The following FGFBP2 variants were observed in gnomAD, a reference collection of about 807,000 sequenced individuals.
FGFBP2 encodes fibroblast growth factor-binding protein 2.
In FGFBP2, 7 loss-of-function variants were observed where a neutral mutation model predicts 7.3. The ratio of observed to expected loss-of-function variants is 0.96; its 90% CI spans 0.55 to 1.81. The LOEUF is 1.81. FGFBP2 is among the 40% of genes most tolerant of loss of function. The probability of loss-of-function intolerance (pLI) is 0.00; values close to 1 mark genes in which losing one functional copy is unlikely to be tolerated. For missense variants in FGFBP2, 291 were observed against 280.1 expected (o/e 1.04, Z -0.28); for synonymous variants, 131 against 110.2 (o/e 1.19, Z -1.18).
chr4:15,962,390 AAGTATATACACGTAGTCTCTGTATATG>A (rs1319554157), intron 1 of FGFBP2, 21 bp downstream of exon 1: 15 of 1,442,274 alleles, frequency 1.0e-5, no homozygotes, highest in East Asian at 2.4e-5. Context: ...CTCTGTATAT[AAGTATATACACGTAGTCTCTGTATATG>A]AGTAAAGGAA....
Position 15,962,604 on chromosome 4 carries a change from T to C in FGFBP2, c.526A>G (p.Lys176Glu). 1 of 1,614,074 alleles carries C rather than the reference T, an allele frequency of 6.2e-7. No individual in the cohort carries two copies. Among genetic ancestry groups the C allele is most frequent in the Non-Finnish European group, 8.5e-7 (1 of 1,180,008 alleles). ...KDSMEELGKA[K>E]PTTRPTAKPT... ...TTGGCTGTGGGTCGGGTGGTGGGTTTGGCTTTTCCCAGCTCTTCCATCGAG... is the reference window on the plus strand; with the variant it reads ...TTGGCTGTGGGTCGGGTGGTGGGTTCGGCTTTTCCCAGCTCTTCCATCGAG... The change falls in exon 1 of 2, where the codon AAA (lysine) becomes GAA (glutamate). Residue 176 changes from lysine to glutamate, a missense_variant. Coordinates refer to ENST00000259989, the MANE Select transcript of FGFBP2 (RefSeq NM_031950.4).
rs759492927 is a variant in FGFBP2 at position 15,962,488 on chromosome 4, G to A, written c.642C>T (p.Cys214=). The change falls in exon 1 of 2, where the codon TGC becomes TGT. Residue 214 remains cysteine (C), a synonymous_variant. Transcript: ENST00000259989. The part of the protein sequence containing the change: ...EHCWKPFQAL[C]AFLISFFRG The stretch of plus-strand genomic sequence containing the variant: ...CTCGGAAGAAGCTGATGAGAAAGGC[G>A]CACAGGGCCTGGAAGGGTTTCCAAC... 49 of 1,580,292 alleles carry A rather than the reference G, an allele frequency of 3.1e-5. No homozygotes were observed. The highest frequency in any genetic ancestry group is 1.8e-4 in the East Asian group (8 of 44,500).
In FGFBP2 at chr4:15,963,064, C is replaced by A. The variant is rs372705827; in HGVS notation, c.66G>T (p.Pro22=). The change falls in exon 1 of 2, where the codon CCG becomes CCT. Residue 22 remains proline (P), a synonymous_variant. Transcript: ENST00000259989. ...LSCLGTLGQA[P]RQKQGSTGEE... ...CCCCAGTGCTTCCTTGCTTTTGCCTCGGGGCCTGACCCAAAGTCCCCAGGC... is the reference window on the plus strand; with the variant it reads ...CCCCAGTGCTTCCTTGCTTTTGCCTAGGGGCCTGACCCAAAGTCCCCAGGC... 1.9e-6 allele frequency: 3 copies of A among 1,613,462 alleles called. No individual in the cohort carries two copies. Among genetic ancestry groups the A allele is most frequent in the Non-Finnish European group, 2.5e-6 (3 of 1,179,686 alleles).
intron 1 of FGFBP2, among the ~76,000 whole-genome samples, chr4:15,961,943 C>G (rs760158643): frequency 1.3e-5 from 2 of 152,146 alleles, no homozygotes; most frequent in Non-Finnish European, 2.9e-5. Flanking sequence ...GAGAACAAGA[C>G]GGGGTGTGGC....
In FGFBP2 at chr4:15,960,309, T is replaced by A. The variant is rs1197390701; in HGVS notation, c.*323A>T. On this transcript the variant is annotated 3_prime_UTR_variant, in exon 2 of 2. Transcript: ENST00000259989. ...CTATTTACTGAACACTGGAAATTCA[T>A]GAATGCGTTACATATTTAAACTTTC... 1.3e-5 allele frequency: 2 copies of A among 152,248 alleles called. No individual in the cohort carries two copies. Among genetic ancestry groups the A allele is most frequent in the African/African-American group, 4.8e-5 (2 of 41,460 alleles). 9.4% of individuals were successfully genotyped at this position (152,248 alleles called of 1,614,324 possible).
In FGFBP2 at chr4:15,962,906, CT is replaced by C. The variant is rs1560350756; in HGVS notation, c.223del (p.Arg75GlyfsTer25). ...AGCCTGGCACATGCTGGGCTGCCCCCTGTACTCACACCAGTAGGTCTGGTCT... is the reference window on the plus strand; with the variant it reads ...AGCCTGGCACATGCTGGGCTGCCCCCGTACTCACACCAGTAGGTCTGGTCT... ...NTDQTYWCEYRGQPSMCQAFA... is the reference protein window; with the variant it reads ...NTDQTYWCEYXGQPSMCQAFA... On this transcript the variant is annotated frameshift_variant, in exon 1 of 2. Transcript: ENST00000259989. LOFTEE classifies it high-confidence loss of function. 3.2e-6 allele frequency: 5 copies of C among 1,581,194 alleles called. No homozygotes were observed. Among genetic ancestry groups the C allele is most frequent in the Non-Finnish European group, 4.3e-6 (5 of 1,163,488 alleles).
At chr4:15,962,022 C>T (rs1713097021) in intron 1 of FGFBP2, among the ~76,000 whole-genome samples, 1 of 152,140 alleles carries the variant, frequency 6.6e-6, no homozygotes, top group South Asian at 2.1e-4. Context: ...CATTAGGAAA[C>T]GTTACCCGGC....
intron 1 of FGFBP2, among the ~76,000 whole-genome samples, chr4:15,961,764 C>T (rs1463819736): frequency 6.6e-6 from 1 of 152,176 alleles, no homozygotes; most frequent in Non-Finnish European, 1.5e-5. Flanking sequence ...AAAAGCAATA[C>T]TTGGAGTTGA....
At position 15,963,069 on chromosome 4, in the gene FGFBP2, C is replaced by A; in HGVS notation, c.61G>T (p.Ala21Ser). The A allele has an allele frequency of 6.2e-7, 1 of 1,613,398 alleles. No homozygotes were observed. The highest frequency in any genetic ancestry group is 1.1e-5 in the South Asian group (1 of 90,972). ...TLSCLGTLGQ[A>S]PRQKQGSTGE... ...GTGCTTCCTTGCTTTTGCCTCGGGGCCTGACCCAAAGTCCCCAGGCAGGAC... is the reference window on the plus strand; with the variant it reads ...GTGCTTCCTTGCTTTTGCCTCGGGGACTGACCCAAAGTCCCCAGGCAGGAC... Residue 21 changes from alanine to serine, a missense_variant, in exon 1 of 2, where the codon GCC (alanine) becomes TCC (serine). Ala to Ser is a moderately conservative substitution (Grantham distance 99). Coordinates refer to ENST00000259989, the MANE Select transcript of FGFBP2 (RefSeq NM_031950.4).
At chr4:15,960,995 T>G (rs2148949932) in intron 1 of FGFBP2, among the ~76,000 whole-genome samples, 2 of 152,326 alleles carry the variant, frequency 1.3e-5, no homozygotes, top group South Asian at 4.1e-4. Flanking sequence ...GAAAATATAT[T>G]TCTGCTGTTT....
chr4:15,962,767 T>C lies in FGFBP2; in HGVS notation c.363A>G (p.Gly121=). 1 of 1,603,518 alleles carries C rather than the reference T, an allele frequency of 6.2e-7. No individual in the cohort carries two copies. Among genetic ancestry groups the C allele is most frequent in the Non-Finnish European group, 8.5e-7 (1 of 1,174,210 alleles). Residue 121 remains glycine (G), a synonymous_variant, in exon 1 of 2, where the codon GGA becomes GGG. Coordinates refer to ENST00000259989, the MANE Select transcript of FGFBP2 (RefSeq NM_031950.4). ...VLRPSVCREA[G]PQAHMQQVTS... is the part of the protein sequence containing the mutation. ...TCACCTGCTGCATATGGGCCTGGGG[T>C]CCAGCCTCCCTGCACACGGATGGCC...
In FGFBP2 at chr4:15,962,972, C is replaced by T; in HGVS notation, c.158G>A (p.Gly53Asp). The change falls in exon 1 of 2, where the codon GGT becomes GAT. Residue 53 changes from glycine to aspartate, a missense_variant. Transcript: ENST00000259989. ...GACACGAAGCCAGACTTCTCCAGCA[C>T]CTTGCCCCAAGCTGCTGGGACGCAT... The part of the protein sequence containing the change: ...CTMRPSSLGQ[G>D]AGEVWLRVDC... The T allele has an allele frequency of 6.2e-7, 1 of 1,613,446 alleles. No homozygotes were observed. The highest frequency in any genetic ancestry group is 8.5e-7 in the Non-Finnish European group (1 of 1,179,912).
At position 15,962,479 on chromosome 4, in the gene FGFBP2, G is replaced by A. The variant is rs528669868; in HGVS notation, c.651C>T (p.Leu217=). The change falls in exon 1 of 2, where the codon CTC becomes CTT. Residue 217 remains leucine, a synonymous_variant. Transcript: ENST00000259989. ...WKPFQALCAF[L]ISFFRG The stretch of plus-strand genomic sequence containing the variant: ...CCTGTCACCCTCGGAAGAAGCTGAT[G>A]AGAAAGGCGCACAGGGCCTGGAAGG... 5.4e-5 allele frequency: 84 copies of A among 1,567,504 alleles called. No homozygotes were observed. The South Asian group carries it at 9.5e-4, about 18-fold the overall frequency.
Position 15,960,283 on chromosome 4 carries a change from G to A in FGFBP2, c.*349C>T, listed in dbSNP as rs1196302206. 2 of 152,178 alleles carry A rather than the reference G, an allele frequency of 1.3e-5. No homozygotes were observed. Among genetic ancestry groups the A allele is most frequent in the Non-Finnish European group, 2.9e-5 (2 of 68,030 alleles). The allele number at this position is 152,178 out of a possible 1,614,324, so 9.4% of individuals were successfully genotyped here. On this transcript the variant is annotated 3_prime_UTR_variant, in exon 2 of 2. Transcript: ENST00000259989. ...TCTTTTATTTTGCACACACATAGCT[G>A]CTATTTACTGAACACTGGAAATTCA...
At chr4:15,962,309 C>G in intron 1 of FGFBP2, 129 bp downstream of exon 1, 1 of 821,882 alleles carries the variant, frequency 1.2e-6, no homozygotes, top group Non-Finnish European at 1.8e-6. Context: ...CTCAAACCCA[C>G]CCCCAAACAC....
Position 15,961,340 on chromosome 4 carries a change from C to T in FGFBP2, c.*21-729G>A, listed in dbSNP as rs530573720. ...ACTTTAAAAAGAAAAAAAAAAGGAC[C>T]TCCTCTCAATAGTAACTTTTTTTGG... On this transcript the variant is annotated intron_variant, in intron 1 of 1. Transcript: ENST00000259989. Among the ~76,000 whole-genome samples, 7 of 152,106 alleles carry T rather than the reference C, an allele frequency of 4.6e-5. No homozygotes were observed. In the South Asian group the frequency reaches 1.5e-3, roughly 32 times the overall value.
chr4:15,962,922 A>G lies in FGFBP2; in HGVS notation c.208T>C (p.Tyr70His), dbSNP rs1391143430. The change falls in exon 1 of 2, where the codon TAC becomes CAC. Residue 70 changes from tyrosine (Y) to histidine (H), a missense_variant. By Grantham distance (83) the Tyr-to-His change is moderately conservative (BLOSUM62 2). Coordinates refer to ENST00000259989, the MANE Select transcript of FGFBP2 (RefSeq NM_031950.4). ...RVDCRNTDQT[Y>H]WCEYRGQPSM... The stretch of plus-strand genomic sequence containing the variant: ...GGCTGCCCCCTGTACTCACACCAGT[A>G]GGTCTGGTCTGTGTTGCGGCAGTCG... 3.1e-6 allele frequency: 5 copies of G among 1,593,944 alleles called. No homozygotes were observed. Among genetic ancestry groups the G allele is most frequent in the South Asian group, 2.2e-5 (2 of 90,098 alleles).
At position 15,962,677 on chromosome 4, in the gene FGFBP2, C is replaced by T. The variant is rs1477214547; in HGVS notation, c.453G>A (p.Arg151=). 29 of 1,614,056 alleles carry T rather than the reference C, an allele frequency of 1.8e-5. No individual in the cohort carries two copies. The highest frequency in any genetic ancestry group is 2.4e-5 in the Non-Finnish European group (28 of 1,180,036). The part of the protein sequence containing the change: ...QQPEAGTPSL[R]PKATVKLTEA... ...CTGTGAGTTTCACTGTGGCCTTGGGCCTCAGAGATGGCGTCCCAGCCTCAG... is the reference window on the plus strand; with the variant it reads ...CTGTGAGTTTCACTGTGGCCTTGGGTCTCAGAGATGGCGTCCCAGCCTCAG... The change falls in exon 1 of 2, where the codon AGG becomes AGA. Residue 151 remains arginine (R), a synonymous_variant. Coordinates refer to ENST00000259989, the MANE Select transcript of FGFBP2 (RefSeq NM_031950.4).
rs541838300 is a variant in FGFBP2 at position 15,962,504 on chromosome 4, G to T, written c.626C>A (p.Pro209His). 3.1e-6 allele frequency: 5 copies of T among 1,601,236 alleles called. No homozygotes were observed. The South Asian group carries it at 4.5e-5, about 14-fold the overall frequency. ...KKKAWEHCWKPFQALCAFLIS... is the reference protein window; with the variant it reads ...KKKAWEHCWKHFQALCAFLIS... Reference sequence around the variant, plus strand: ...GAGAAAGGCGCACAGGGCCTGGAAGGGTTTCCAACAATGTTCCCAGGCCTT... The same window carrying T: ...GAGAAAGGCGCACAGGGCCTGGAAGTGTTTCCAACAATGTTCCCAGGCCTT... The change falls in exon 1 of 2, where the codon CCC becomes CAC. Residue 209 changes from proline (P) to histidine (H), a missense_variant. Transcript: ENST00000259989.
Sources: allele counts gnomAD v4.1 joint callset (sites outside exome capture counted in the v4.1 genomes callset), GRCh38; gene constraint gnomAD v4.1.1; transcripts MANE v1.5; gene names NCBI Gene and HGNC (gene_info 2026-07-23, HGNC 2026-07-21).